The following ZNF560 variants were observed in gnomAD, a reference collection of about 807,000 sequenced individuals.
ZNF560 encodes the protein zinc finger protein 560.
ZNF560 carries 54 observed loss-of-function variants against 81.8 expected under a neutral mutation model. The observed-to-expected ratio is 0.66, with a 90% confidence interval of 0.53 to 0.83. ZNF560 has a LOEUF of 0.83. Among genes scored for constraint, ZNF560 ranks in the 40% least tolerant of loss-of-function variants. The pLI is 0.00. For missense variants in ZNF560, 940 were observed against 932.4 expected (o/e 1.01, Z -0.11); for synonymous variants, 321 against 317.9 (o/e 1.01, Z -0.10).
rs145492156 is a variant in ZNF560, at chr19:9,467,353, G to A, written c.1594C>T (p.Arg532Cys). The change falls in exon 10 of 10, where the codon CGT becomes TGT. Residue 532 changes from arginine (R) to cysteine (C), a missense_variant. Arg to Cys is a radical substitution (Grantham distance 180, BLOSUM62 -3). Coordinates refer to ENST00000301480, the MANE Select transcript of ZNF560 (RefSeq NM_152476.3). ...GKPFTSSACL[R>C]IHMRTHTEER... ...TCTGTGTGAGTTCGCATGTGAATAC[G>A]AAGACAGGCAGAAGAGGTAAATGGT... 5.1e-5 allele frequency: 82 copies of A among 1,614,126 alleles called. No individual in the cohort carries two copies. The highest frequency in any genetic ancestry group is 4.7e-4 in the African/African-American group (35 of 75,026).
At chr19:9,447,661 C>CTGGGTTAGTTG in the ZNF560 span, among the ~76,000 whole-genome samples, 3 of 150,456 alleles carry the variant, frequency 2.0e-5, no homozygotes, top group Admixed American at 1.3e-4. Flanking sequence ...CCCAGTCAGA[C>CTGGGTTAGTTG]AAACACAAAG....
upstream of ZNF560, among the ~76,000 whole-genome samples, chr19:9,501,716 C>T (rs1474390392): frequency 6.6e-6 from 1 of 151,784 alleles, no homozygotes; most frequent in Non-Finnish European, 1.5e-5. Flanking sequence ...CCAGGCTGGC[C>T]TCCAACTCCT....
Position 9,491,310 on chromosome 19 carries a change from T to C in ZNF560, c.-57+6818A>G, listed in dbSNP as rs2073469041. Among the ~76,000 whole-genome samples the C allele has an allele frequency of 2.0e-5, 3 of 151,968 alleles. No homozygotes were observed. In the South Asian group the frequency reaches 6.2e-4, roughly 31 times the overall value. ...TTCTTTTAATCTTTTTTGGTATAGA[T>C]GGGATCTCACTATGTTGGCCAGGCT... On this transcript the variant is annotated intron_variant, in intron 2 of 9. Transcript: ENST00000301480.
At chr19:9,488,170 G>A (rs2144720121) in intron 2 of ZNF560, among the ~76,000 whole-genome samples, 1 of 152,266 alleles carries the variant, frequency 6.6e-6, no homozygotes, top group South Asian at 2.1e-4. Flanking sequence ...GCTGCTGTTT[G>A]TGTTTGGTCC....
chr19:9,470,808 A>G (rs10412353), intron 6 of ZNF560, among the ~76,000 whole-genome samples: 22,892 of 152,224 alleles, frequency 0.15, 2,582 homozygotes, highest in African/African-American at 0.31. Flanking sequence ...CTGAGCACAT[A>G]ACAAATACTT....
chr19:9,460,227 C>T, the ZNF560 span, among the ~76,000 whole-genome samples: 1 of 152,082 alleles, frequency 6.6e-6, no homozygotes, highest in Non-Finnish European at 1.5e-5. Context: ...TGAGGATGAC[C>T]CCCAACTGTC....
chr19:9,478,620 T>A (rs1230658457), intron 2 of ZNF560, among the ~76,000 whole-genome samples: 1 of 152,144 alleles, frequency 6.6e-6, no homozygotes, highest in Non-Finnish European at 1.5e-5. Flanking sequence ...TAAAAATATG[T>A]AAATTACAAT....
chr19:9,476,927 A>G (rs980980353), intron 2 of ZNF560, among the ~76,000 whole-genome samples: 2 of 152,198 alleles, frequency 1.3e-5, no homozygotes, highest in Non-Finnish European at 2.9e-5. Flanking sequence ...TGTGATTCCA[A>G]GGACATATCA....
At chr19:9,457,898 T>G in the ZNF560 span, among the ~76,000 whole-genome samples, 1 of 152,216 alleles carries the variant, frequency 6.6e-6, no homozygotes, top group Non-Finnish European at 1.5e-5. Context: ...GAGGCAGAGC[T>G]GCAGCTAATT....
At chr19:9,476,807 A>G (rs537090090) in intron 2 of ZNF560, among the ~76,000 whole-genome samples, 7 of 152,276 alleles carry the variant, frequency 4.6e-5, no homozygotes, top group African/African-American at 1.7e-4. Flanking sequence ...GTATTTTTTC[A>G]TAGCAGTGAG....
chr19:9,447,667 C>G, the ZNF560 span, among the ~76,000 whole-genome samples: 6 of 149,834 alleles, frequency 4.0e-5, no homozygotes, highest in African/African-American at 1.5e-4. Context: ...CAGACAAACA[C>G]AAAGAAAAAA....
Position 9,467,035 on chromosome 19 carries a change from CA to C in ZNF560, c.1911del (p.Phe637LeufsTer7). ...TGATCAACTAGACTGGAGGAGACAA[CA>C]AAGGCTTTCCCACAGTCCTTATATT... Reference protein sequence around the residue: ...PYEYKDCGKAFVVSSSLVDHL... With the variant: ...PYEYKDCGKAXVVSSSLVDHL... On this transcript the variant is annotated frameshift_variant, in exon 10 of 10. Coordinates refer to ENST00000301480, the MANE Select transcript of ZNF560 (RefSeq NM_152476.3). LOFTEE classifies it high-confidence loss of function. 1 of 1,613,234 alleles carries C rather than the reference CA, an allele frequency of 6.2e-7. No homozygotes were observed. Among genetic ancestry groups the C allele is most frequent in the Non-Finnish European group, 8.5e-7 (1 of 1,179,790 alleles).
chr19:9,477,089 T>C (rs892777991), intron 2 of ZNF560, among the ~76,000 whole-genome samples: 15 of 152,148 alleles, frequency 9.9e-5, no homozygotes, highest in African/African-American at 3.6e-4. Flanking sequence ...GTGATATGTG[T>C]AAAACCCACT....
At chr19:9,451,979 G>T in the ZNF560 span, among the ~76,000 whole-genome samples, 3 of 152,214 alleles carry the variant, frequency 2.0e-5, no homozygotes, top group East Asian at 5.8e-4. Flanking sequence ...ATGAGGCTGA[G>T]GCAGGAGAAT....
intron 2 of ZNF560, among the ~76,000 whole-genome samples, chr19:9,475,673 C>T (rs192319662): frequency 7.7e-4 from 115 of 149,854 alleles, no homozygotes; most frequent in African/African-American, 2.8e-3. Context: ...GTGGCACGAT[C>T]TCGGCTCACT....
chr19:9,474,378 T>G, intron 3 of ZNF560, 53 bp from the exon 4 acceptor site: 1 of 1,561,452 alleles, frequency 6.4e-7, no homozygotes, highest in Non-Finnish European at 8.7e-7. Context: ...TAACCAGTGT[T>G]CACTGAAGAA....
chr19:9,465,718 C>A (rs958285495), downstream of ZNF560, among the ~76,000 whole-genome samples: 1 of 152,142 alleles, frequency 6.6e-6, no homozygotes, highest in Admixed American at 6.6e-5. Flanking sequence ...CTTGGCCAGG[C>A]GCGATGGCTC....
intron 2 of ZNF560, among the ~76,000 whole-genome samples, chr19:9,484,001 G>C (rs201873399): frequency 7.2e-5 from 11 of 152,042 alleles, no homozygotes. Context: ...CCCCCAACCC[G>C]GTGCTCTCTG....
chr19:9,458,415 G>A, the ZNF560 span, among the ~76,000 whole-genome samples: 5 of 152,172 alleles, frequency 3.3e-5, no homozygotes, highest in Admixed American at 2.0e-4. Flanking sequence ...TTTTTCAGAC[G>A]CCCTATACTT....
Sources: gnomAD v4.1 joint callset for allele counts (sites outside exome capture counted in the v4.1 genomes callset) on GRCh38, gnomAD v4.1.1 for gene constraint, MANE v1.5 for transcripts, NCBI Gene and HGNC (gene_info 2026-07-23, HGNC 2026-07-21) for gene names.